ROR2: variants seen among roughly 807,000 people sequenced by gnomAD.
ROR2 encodes the protein ROR family WNT receptor 2.
A neutral mutation model predicts 74.9 loss-of-function variants in ROR2; 33 were observed. The observed-to-expected ratio is 0.44, with a 90% confidence interval of 0.33 to 0.59. The LOEUF is 0.59. Ranked by LOEUF, ROR2 falls within the 20% of genes least tolerant of loss-of-function variation. The pLI is 0.02. For synonymous variants in ROR2, 586 were observed against 558.7 expected, an observed-to-expected ratio of 1.05 and a Z score of -0.69; for missense variants, 1,216 against 1,313.8, an observed-to-expected ratio of 0.93 and a Z score of 1.15.
chr9:91,793,746 T>C (rs1827079616), intron 1 of ROR2, among the ~76,000 whole-genome samples: 1 of 145,106 alleles, frequency 6.9e-6, no homozygotes, highest in Non-Finnish European at 1.5e-5. Context: ...CGGGCGACAG[T>C]GTGAGACTCC....
intron 1 of ROR2, among the ~76,000 whole-genome samples, chr9:91,791,432 T>C (rs1826973675): frequency 6.6e-6 from 1 of 152,142 alleles, no homozygotes; most frequent in Non-Finnish European, 1.5e-5. Flanking sequence ...TGGTGACATA[T>C]TTTTTCAGAA....
At chr9:91,806,240 A>G (rs1388404499) in intron 1 of ROR2, among the ~76,000 whole-genome samples, 1 of 152,202 alleles carries the variant, frequency 6.6e-6, no homozygotes, top group Non-Finnish European at 1.5e-5. Context: ...TGGAGGCTGG[A>G]AAGCCCAACA....
At chr9:91,853,843 G>A (rs935618991) in intron 1 of ROR2, among the ~76,000 whole-genome samples, 2 of 152,230 alleles carry the variant, frequency 1.3e-5, no homozygotes, top group Non-Finnish European at 2.9e-5. Context: ...ATGGCAGAGA[G>A]ACATGAAATC....
intron 1 of ROR2, among the ~76,000 whole-genome samples, chr9:91,796,702 C>G (rs191879127): frequency 6.6e-6 from 1 of 152,066 alleles, no homozygotes; most frequent in Admixed American, 6.5e-5. Context: ...GGCTGATACA[C>G]TGGGACTAGT....
At chr9:91,934,109 G>C (rs1219553895) in intron 1 of ROR2, among the ~76,000 whole-genome samples, 2 of 136,498 alleles carry the variant, frequency 1.5e-5, no homozygotes, top group Non-Finnish European at 1.6e-5. Flanking sequence ...TTATGGATGC[G>C]GGGGGGCGAG....
chr9:91,737,414 C>A lies in ROR2; in HGVS notation c.599G>T (p.Gly200Val). ...ACCTGTGATTCGGTTTTCAATCTCC[C>A]CCTGCATCTGAAGCGAGTCCACATA... ...TIYVDSLQMQ[G>V]EIENRITAAF... Residue 200 changes from glycine (G) to valine (V), a missense_variant, in exon 5 of 9, where the codon GGG (glycine) becomes GTG (valine). Coordinates refer to ENST00000375708, the MANE Select transcript of ROR2 (RefSeq NM_004560.4). 4 of 1,614,120 alleles carry A rather than the reference C, an allele frequency of 2.5e-6. No individual in the cohort carries two copies. Among genetic ancestry groups the A allele is most frequent in the Non-Finnish European group, 2.5e-6 (3 of 1,180,030 alleles).
At position 91,723,452 on chromosome 9, in the gene ROR2, C is replaced by A; in HGVS notation, c.*210G>T. 1.4e-6 allele frequency: 1 copy of A among 691,308 alleles called. No homozygotes were observed. The allele number at this position is 691,308 out of a possible 1,614,324, so 42.8% of individuals were successfully genotyped here. A position where few individuals can be genotyped will look rare whatever the true frequency, so the allele number is the denominator to read the frequency against. On this transcript the variant is annotated 3_prime_UTR_variant, in exon 9 of 9. Coordinates refer to ENST00000375708, the MANE Select transcript of ROR2 (RefSeq NM_004560.4). ...TCCCCAGGACGCCGTGCTGCCAGAC[C>A]CCCTGCCTGGCTTGGGTGCTCCTAG...
intron 7 of ROR2, among the ~76,000 whole-genome samples, chr9:91,728,057 T>C (rs1564233301): frequency 6.6e-6 from 1 of 152,104 alleles, no homozygotes; most frequent in African/African-American, 2.4e-5. Context: ...TTTGGTTCAT[T>C]TTTCATTATT....
At chr9:91,803,225 C>T (rs1347130795) in intron 1 of ROR2, among the ~76,000 whole-genome samples, 1 of 152,140 alleles carries the variant, frequency 6.6e-6, no homozygotes, top group African/African-American at 2.4e-5. Flanking sequence ...TATGATTCAG[C>T]CTTGAAAAGA....
intron 1 of ROR2, among the ~76,000 whole-genome samples, chr9:91,879,596 A>AT (rs1466201076): frequency 6.6e-6 from 1 of 152,158 alleles, no homozygotes; most frequent in Non-Finnish European, 1.5e-5. Flanking sequence ...AACACTTTTG[A>AT]TATACACTCA....
chr9:91,794,429 A>AGTGT (rs1218948790), intron 1 of ROR2, among the ~76,000 whole-genome samples: 4 of 152,246 alleles, frequency 2.6e-5, no homozygotes, highest in African/African-American at 7.2e-5. Context: ...TGAGAACCAC[A>AGTGT]GTGTGTCCCT....
At chr9:91,813,807 C>T (rs1195672806) in intron 1 of ROR2, among the ~76,000 whole-genome samples, 1 of 152,134 alleles carries the variant, frequency 6.6e-6, no homozygotes, top group Non-Finnish European at 1.5e-5. Context: ...CCTCAGAGAG[C>T]GTGTTTACCG....
intron 4 of ROR2, among the ~76,000 whole-genome samples, chr9:91,744,673 C>T (rs1825353067): frequency 6.6e-6 from 1 of 152,132 alleles, no homozygotes; most frequent in Non-Finnish European, 1.5e-5. Flanking sequence ...ACTAAACATG[C>T]CCAACACCAA....
chr9:91,900,825 A>G (rs1458410659), intron 1 of ROR2, among the ~76,000 whole-genome samples: 1 of 152,266 alleles, frequency 6.6e-6, no homozygotes, highest in African/African-American at 2.4e-5. Flanking sequence ...AGGGAAAAAA[A>G]TAATAAGCCA....
At chr9:91,917,883 G>A (rs1831174211) in intron 1 of ROR2, among the ~76,000 whole-genome samples, 1 of 152,220 alleles carries the variant, frequency 6.6e-6, no homozygotes, top group African/African-American at 2.4e-5. Context: ...TGGATAGTGA[G>A]GCAGCTTTAT....
intron 1 of ROR2, among the ~76,000 whole-genome samples, chr9:91,930,107 A>AT (rs1831512479): frequency 6.6e-6 from 1 of 152,072 alleles, no homozygotes; most frequent in Admixed American, 6.5e-5. Flanking sequence ...CAGCCACCAT[A>AT]TTTTTTAAAG....
chr9:91,943,592 C>A (rs1246599103), intron 1 of ROR2, among the ~76,000 whole-genome samples: 3 of 152,094 alleles, frequency 2.0e-5, no homozygotes, highest in Non-Finnish European at 4.4e-5. Context: ...AATGGATATA[C>A]CCACACCACT....
chr9:91,814,447 G>A (rs765119862), intron 1 of ROR2, among the ~76,000 whole-genome samples: 49 of 152,054 alleles, frequency 3.2e-4, no homozygotes, highest in Non-Finnish European at 5.0e-4. Context: ...GACAGGCTCC[G>A]GAGGGCCCTG....
chr9:91,836,401 G>A (rs926579667), intron 1 of ROR2, among the ~76,000 whole-genome samples: 1 of 152,034 alleles, frequency 6.6e-6, no homozygotes, highest in Non-Finnish European at 1.5e-5. Context: ...TTAGCCAGTC[G>A]TAGTGGTGCG....
Sources: gnomAD v4.1 joint callset for allele counts (sites outside exome capture counted in the v4.1 genomes callset) on GRCh38, gnomAD v4.1.1 for gene constraint, MANE v1.5 for transcripts, NCBI Gene and HGNC (gene_info 2026-07-23, HGNC 2026-07-21) for gene names.